MGAT4C: variants seen among roughly 807,000 people sequenced by gnomAD.
MGAT4C encodes MGAT4 family member C, also known as alpha-1,3-mannosyl-glycoprotein 4-beta-N-acetylglucosaminyltransferase C.
Under a neutral mutation model 40.1 loss-of-function variants are expected in MGAT4C, and 19 were observed. The ratio of observed to expected loss-of-function variants is 0.47; its 90% CI spans 0.33 to 0.70. The LOEUF (loss-of-function observed/expected upper bound fraction) is 0.70. Among genes scored for constraint, MGAT4C ranks in the 30% least tolerant of loss-of-function variants. MGAT4C has a pLI of 0.02. For synonymous variants in MGAT4C, 181 were observed against 187.1 expected, an observed-to-expected ratio of 0.97 and a Z score of 0.27; for missense variants, 491 against 563.2, an observed-to-expected ratio of 0.87 and a Z score of 1.30.
At chr12:86,606,008 G>T (rs1376387039) in intron 2 of MGAT4C, among the ~76,000 whole-genome samples, 1 of 152,096 alleles carries the variant, frequency 6.6e-6, no homozygotes, top group Non-Finnish European at 1.5e-5. Context: ...GTCAGAAGGC[G>T]AAGGGTAAGC....
chr12:86,470,517 G>A (rs760637221), intron 2 of MGAT4C, among the ~76,000 whole-genome samples: 4 of 152,080 alleles, frequency 2.6e-5, no homozygotes, highest in African/African-American at 4.8e-5. Flanking sequence ...TTATAAATGA[G>A]AGAGAAATGA....
intron 3 of MGAT4C, among the ~76,000 whole-genome samples, chr12:86,417,702 T>C (rs1956744708): frequency 6.6e-6 from 1 of 152,102 alleles, no homozygotes; most frequent in African/African-American, 2.4e-5. Context: ...GTATTTGCAA[T>C]ATGAAATTTT....
chr12:86,609,621 A>G (rs1233070325), intron 2 of MGAT4C, among the ~76,000 whole-genome samples: 1 of 152,100 alleles, frequency 6.6e-6, no homozygotes, highest in Admixed American at 6.6e-5. Flanking sequence ...TAAAAATATT[A>G]TGTTAAAATC....
rs761052496 is a variant in MGAT4C, at chr12:85,958,999, T to C, written c.*20290A>G. ...GGAGGCGATTCAGTTACTTCTGCTA[T>C]GTTATTAAATCTCTGGTAACCACTA... On this transcript the variant is annotated 3_prime_UTR_variant, in exon 5 of 5. Transcript: ENST00000611864. The C allele has an allele frequency of 4.0e-5, 6 of 150,842 alleles. No individual in the cohort carries two copies. Among genetic ancestry groups the C allele is most frequent in the Non-Finnish European group, 7.4e-5 (5 of 67,550 alleles). The allele number at this position is 150,842 out of a possible 1,614,324, so 9.3% of individuals were successfully genotyped here. A position where few individuals can be genotyped will look rare whatever the true frequency, so the allele number is the denominator to read the frequency against.
chr12:86,220,581 T>C (rs1950841138), intron 1 of MGAT4C, among the ~76,000 whole-genome samples: 1 of 152,144 alleles, frequency 6.6e-6, no homozygotes, highest in Non-Finnish European at 1.5e-5. Context: ...TCACTAGTGC[T>C]TCCCTACTGT....
chr12:86,242,772 C>T (rs1951844714), intron 1 of MGAT4C, among the ~76,000 whole-genome samples: 1 of 152,010 alleles, frequency 6.6e-6, no homozygotes, highest in East Asian at 1.9e-4. Flanking sequence ...AGGCACCAAT[C>T]CCCCACTCCC....
chr12:86,227,194 T>G (rs1371129106), intron 1 of MGAT4C, among the ~76,000 whole-genome samples: 1 of 150,426 alleles, frequency 6.6e-6, no homozygotes, highest in Non-Finnish European at 1.5e-5. Context: ...TTTTTTTTTC[T>G]TCTTTCTCAA....
At chr12:86,612,524 C>A (rs2136477116) in intron 2 of MGAT4C, among the ~76,000 whole-genome samples, 1 of 152,034 alleles carries the variant, frequency 6.6e-6, no homozygotes, top group Middle Eastern at 3.4e-3. Flanking sequence ...CCAAGGCAAG[C>A]AGATCATCTG....
At chr12:86,755,353 T>G (rs1341844255) in intron 1 of MGAT4C, among the ~76,000 whole-genome samples, 1 of 152,162 alleles carries the variant, frequency 6.6e-6, no homozygotes, top group African/African-American at 2.4e-5. Flanking sequence ...CATCAACATT[T>G]CTATACATCT....
At chr12:86,453,637 C>G (rs896224974) in intron 2 of MGAT4C, among the ~76,000 whole-genome samples, 5 of 152,096 alleles carry the variant, frequency 3.3e-5, no homozygotes, top group African/African-American at 4.8e-5. Flanking sequence ...CACTCTTTGG[C>G]TTTTGTCTGG....
At chr12:86,508,538 T>C (rs1378594542) in intron 2 of MGAT4C, among the ~76,000 whole-genome samples, 6 of 152,132 alleles carry the variant, frequency 3.9e-5, no homozygotes, top group South Asian at 2.1e-4. Context: ...TGTGTCTTTA[T>C]AGCAGCATGA....
chr12:86,406,316 A>G (rs970595221), intron 3 of MGAT4C, among the ~76,000 whole-genome samples: 22 of 151,650 alleles, frequency 1.5e-4, no homozygotes, highest in African/African-American at 5.3e-4. Flanking sequence ...GACAACTTTC[A>G]AAGTGGAGAA....
intron 2 of MGAT4C, among the ~76,000 whole-genome samples, chr12:86,012,625 G>A (rs577618646): frequency 3.3e-5 from 5 of 152,014 alleles, no homozygotes; most frequent in East Asian, 3.9e-4. Context: ...GGTGGTGGGC[G>A]CCTGTAATCC....
chr12:86,811,560 T>C (rs1180650122), intron 1 of MGAT4C, among the ~76,000 whole-genome samples: 1 of 151,170 alleles, frequency 6.6e-6, no homozygotes, highest in East Asian at 1.9e-4. Context: ...CAGGCTGGTC[T>C]TGAACTCTCG....
chr12:86,449,261 G>A (rs1340127104), intron 2 of MGAT4C, among the ~76,000 whole-genome samples: 1 of 152,054 alleles, frequency 6.6e-6, no homozygotes, highest in South Asian at 2.1e-4. Flanking sequence ...AGCATAGTGA[G>A]CTTTCAGGTA....
chr12:86,413,259 G>A (rs1036986431), intron 3 of MGAT4C, among the ~76,000 whole-genome samples: 1 of 152,150 alleles, frequency 6.6e-6, no homozygotes, highest in Non-Finnish European at 1.5e-5. Context: ...TCGAGAAAGA[G>A]AAGAGGGATA....
intron 3 of MGAT4C, among the ~76,000 whole-genome samples, chr12:86,355,719 A>AT (rs1396582055): frequency 6.6e-6 from 1 of 152,162 alleles, no homozygotes; most frequent in Non-Finnish European, 1.5e-5. Context: ...TAAGCAGAAT[A>AT]TTTTTGTCAT....
chr12:86,379,869 G>T (rs1264871761), intron 3 of MGAT4C, among the ~76,000 whole-genome samples: 1 of 151,852 alleles, frequency 6.6e-6, no homozygotes, highest in Admixed American at 6.6e-5. Flanking sequence ...TCTTGTTAAA[G>T]GTATTCATCT....
intron 2 of MGAT4C, among the ~76,000 whole-genome samples, chr12:86,463,454 G>A (rs1957631702): frequency 6.6e-6 from 1 of 151,904 alleles, no homozygotes. Flanking sequence ...CATTCCTCTA[G>A]GCTTTTCTAA....
Sources: gnomAD v4.1 joint callset for allele counts (sites outside exome capture counted in the v4.1 genomes callset) on GRCh38, gnomAD v4.1.1 for gene constraint, MANE v1.5 for transcripts, NCBI Gene and HGNC (gene_info 2026-07-23, HGNC 2026-07-21) for gene names.